Variants in PI4KB observed in about 807,000 individuals in gnomAD.
PI4KB encodes PtdIns 4-kinase beta.
A neutral mutation model predicts 81.4 loss-of-function variants in PI4KB; 23 were observed. The observed-to-expected ratio is 0.28, with a 90% CI of 0.20 to 0.40. PI4KB has a LOEUF of 0.40. PI4KB is among the 10% of genes least tolerant of loss of function. The probability of loss-of-function intolerance (pLI) is 1.00; values close to 1 mark genes in which losing one functional copy is unlikely to be tolerated. For synonymous variants in PI4KB, 381 were observed against 406.8 expected (o/e 0.94, Z 0.76); for missense variants, 651 against 1,036.6 (o/e 0.63, Z 5.11).
At chr1:151,300,405 G>C (rs1369117290) in intron 8 of PI4KB, among the ~76,000 whole-genome samples, 1 of 152,126 alleles carries the variant, frequency 6.6e-6, no homozygotes, top group Non-Finnish European at 1.5e-5. Context: ...TCGGGAGTTC[G>C]AGACCAGCCT....
chr1:151,312,787 G>T (rs148491895), intron 2 of PI4KB, among the ~76,000 whole-genome samples: 15 of 152,368 alleles, frequency 9.8e-5, no homozygotes, highest in South Asian at 4.1e-4. Context: ...GCTGAGGCGA[G>T]AGGATGACTT....
At chr1:151,296,124 T>C (rs1248587020) in intron 9 of PI4KB, among the ~76,000 whole-genome samples, 1 of 152,144 alleles carries the variant, frequency 6.6e-6, no homozygotes, top group East Asian at 1.9e-4. Context: ...CGCATGCCTG[T>C]AATCCCAGCT....
chr1:151,307,789 C>G lies in PI4KB; in HGVS notation c.967G>C (p.Ala323Pro). The change falls in exon 4 of 12, where the codon GCT (alanine) becomes CCT (proline). Residue 323 changes from alanine to proline, a missense_variant. This residue lies in a region of PI4KB where 246 missense variants were observed against 430.1 expected (regional missense o/e 0.57). Transcript: ENST00000368873. ...DNSFSSPVRLAPEREFIKSLM... is the reference protein window; with the variant it reads ...DNSFSSPVRLPPEREFIKSLM... ...GACTTGATGAATTCTCTCTCAGGAG[C>G]CAGTCGAACAGGCTACAGGGGTTTG... is the stretch of plus-strand genomic sequence containing the variant. 1 of 1,613,622 alleles carries G rather than the reference C, an allele frequency of 6.2e-7. No homozygotes were observed. Among genetic ancestry groups the G allele is most frequent in the Non-Finnish European group, 8.5e-7 (1 of 1,179,562 alleles).
chr1:151,320,326 C>T (rs1648665408), intron 1 of PI4KB, among the ~76,000 whole-genome samples: 2 of 152,220 alleles, frequency 1.3e-5, no homozygotes, highest in South Asian at 2.1e-4. Context: ...AGCTGCCGCG[C>T]CCGGCCCCAG....
chr1:151,313,972 A>C (rs1454332823), intron 2 of PI4KB, among the ~76,000 whole-genome samples: 1 of 152,270 alleles, frequency 6.6e-6, no homozygotes, highest in Admixed American at 6.5e-5. Flanking sequence ...CTGGCAAAAT[A>C]ATACCTGTCT....
rs200073750 is a variant in PI4KB at position 151,315,705 on chromosome 1, C to A, written c.777G>T (p.Pro259=). 6.2e-7 allele frequency: 1 copy of A among 1,613,960 alleles called. No homozygotes were observed. The highest frequency in any genetic ancestry group is 8.5e-7 in the Non-Finnish European group (1 of 1,179,882). The part of the protein sequence containing the change: ...HRKRELPSLS[P]APDTGLSPSK... ...AGGGAGACAGCCCTGTGTCAGGGGC[C>A]GGGCTCAAGGAGGGCAGCTCCCTCT... The change falls in exon 2 of 12, where the codon CCG becomes CCT. Residue 259 remains proline, a synonymous_variant. Transcript: ENST00000368873.
At chr1:151,325,673 T>C (rs186498503) in intron 1 of PI4KB, among the ~76,000 whole-genome samples, 43 of 152,264 alleles carry the variant, frequency 2.8e-4, no homozygotes, top group Middle Eastern at 3.4e-3. Context: ...TCTTTCAAAA[T>C]GACTTACACC....
At chr1:151,306,494 T>C in intron 4 of PI4KB, 131 bp from the exon 5 acceptor site, 1 of 644,676 alleles carries the variant, frequency 1.6e-6, no homozygotes, top group East Asian at 2.7e-5. Context: ...CCTCTGAAAC[T>C]ATGAACACTA....
At chr1:151,310,278 A>G (rs1696112786) in intron 2 of PI4KB, 23 bp from the exon 3 acceptor site, 1 of 805,560 alleles carries the variant, frequency 1.2e-6, no homozygotes, top group Non-Finnish European at 2.0e-6. Context: ...CAGAGGGCAA[A>G]GGGAGAAGGA....
chr1:151,323,920 AT>A (rs1649238184), intron 1 of PI4KB, among the ~76,000 whole-genome samples: 1 of 151,862 alleles, frequency 6.6e-6, no homozygotes, highest in Admixed American at 6.6e-5. Context: ...GTACCATTGG[AT>A]TTGTTACCAA....
chr1:151,312,438 T>C (rs1647264498), intron 2 of PI4KB, among the ~76,000 whole-genome samples: 1 of 152,206 alleles, frequency 6.6e-6, no homozygotes, highest in Admixed American at 6.5e-5. Flanking sequence ...GTAAGCTGTA[T>C]ACTTCCTGCT....
intron 11 of PI4KB, chr1:151,293,699 G>A: frequency 3.0e-6 from 1 of 336,920 alleles, no homozygotes; most frequent in Non-Finnish European, 5.6e-6. Flanking sequence ...ACAGATGGAA[G>A]GAGACTGAGA....
intron 5 of PI4KB, among the ~76,000 whole-genome samples, chr1:151,304,351 T>G (rs1352716055): frequency 1.3e-5 from 2 of 151,520 alleles, no homozygotes; most frequent in Non-Finnish European, 2.9e-5. Context: ...GTGTTTTTTT[T>G]TTTTTTTTTT....
In PI4KB at chr1:151,294,164, G is replaced by A. The variant is rs762383382; in HGVS notation, c.2149-26C>T. 1.9e-6 allele frequency: 3 copies of A among 1,604,060 alleles called. No individual in the cohort carries two copies. In the Admixed American group the frequency reaches 5.0e-5, roughly 27 times the overall value. ...CTGGAAAGGGAAGAGAGCGTTGTGT[G>A]CACAAGGGGTCTTACACCGGGGATG... On this transcript the variant is annotated intron_variant, in intron 10 of 11. Transcript: ENST00000368873.
intron 5 of PI4KB, among the ~76,000 whole-genome samples, chr1:151,305,181 G>C (rs1695657079): frequency 6.6e-6 from 1 of 152,180 alleles, no homozygotes; most frequent in South Asian, 2.1e-4. Context: ...GGCCAGGCTG[G>C]TCTCGAAATC....
In PI4KB at chr1:151,292,653, A is replaced by C; in HGVS notation, c.*199T>G. ...CCAGGAGGGGCAGGGAAGCCCCAACAAGTCTGGACCCCACAGCTGGCTCTC... is the reference window on the plus strand; with the variant it reads ...CCAGGAGGGGCAGGGAAGCCCCAACCAGTCTGGACCCCACAGCTGGCTCTC... On this transcript the variant is annotated 3_prime_UTR_variant, in exon 12 of 12. Coordinates refer to ENST00000368873, the MANE Select transcript of PI4KB (RefSeq NM_001369623.2). The C allele has an allele frequency of 1.7e-6, 1 of 584,276 alleles. No homozygotes were observed. The highest frequency in any genetic ancestry group is 2.1e-5 in the South Asian group (1 of 48,248). 36.2% of individuals were successfully genotyped at this position (584,276 alleles called of 1,614,324 possible).
At chr1:151,301,618 C>T (rs1019817774) in intron 8 of PI4KB, among the ~76,000 whole-genome samples, 2 of 152,062 alleles carry the variant, frequency 1.3e-5, no homozygotes, top group Non-Finnish European at 2.9e-5. Flanking sequence ...AGGATGGTCT[C>T]GATCTCCTGA....
chr1:151,303,757 C>T (rs1695500339), intron 5 of PI4KB, 107 bp from the exon 6 acceptor site: 3 of 777,450 alleles, frequency 3.9e-6, no homozygotes, highest in East Asian at 2.5e-5. Context: ...CTCTTTCAAA[C>T]TCTGCTTACA....
chr1:151,315,155 T>C (rs912659158), intron 2 of PI4KB, among the ~76,000 whole-genome samples: 10 of 151,854 alleles, frequency 6.6e-5, no homozygotes, highest in Non-Finnish European at 1.3e-4. Context: ...ATTTTTGTAT[T>C]TTTAGTAGAG....
Sources: allele counts gnomAD v4.1 joint callset (sites outside exome capture counted in the v4.1 genomes callset), GRCh38; gene constraint gnomAD v4.1.1; regional missense constraint gnomAD v4.1.1; transcripts MANE v1.5; gene names NCBI Gene and HGNC (gene_info 2026-07-23, HGNC 2026-07-21).